The following TLE5 variants were observed in gnomAD, a reference collection of about 807,000 sequenced individuals.
TLE5 encodes the protein TLE family member 5, transcriptional modulator.
In TLE5, 7 loss-of-function variants were observed where a neutral mutation model predicts 25.8. That is an observed-to-expected ratio of 0.27 (90% CI 0.15 to 0.51). The LOEUF is 0.51. Among genes scored for constraint, TLE5 ranks in the 20% least tolerant of loss-of-function variants. The pLI is 0.97. For missense variants in TLE5, 149 were observed against 250.7 expected, an observed-to-expected ratio of 0.59 and a Z score of 2.74; for synonymous variants, 132 against 110.5, an observed-to-expected ratio of 1.20 and a Z score of -1.22.
At chr19:3,055,817 C>T in intron 4 of TLE5, 91 bp from the exon 5 acceptor site, 1 of 1,386,620 alleles carries the variant, frequency 7.2e-7, no homozygotes, top group Non-Finnish European at 9.8e-7. Flanking sequence ...CGGCCCAGCC[C>T]TGCCACTTGC....
Position 3,062,324 on chromosome 19 carries a change from C to T in TLE5, c.-124G>A. ...CGGCAGCTCCCGGGGCCGCCGCCGC[C>T]TCCCGCGCCCGGCCTCGCCCGCTTC... is the stretch of plus-strand genomic sequence containing the variant. On this transcript the variant is annotated 5_prime_UTR_variant, in exon 1 of 7. Coordinates refer to ENST00000327141, the MANE Select transcript of TLE5 (RefSeq NM_001130.6). 20 of 979,092 alleles carry T rather than the reference C, an allele frequency of 2.0e-5. No individual in the cohort carries two copies. Among genetic ancestry groups the T allele is most frequent in the Non-Finnish European group, 2.4e-5 (20 of 827,326 alleles). The allele number at this position is 979,092 out of a possible 1,614,324, so 60.7% of individuals were successfully genotyped here. A position where few individuals can be genotyped will look rare whatever the true frequency, so the allele number is the denominator to read the frequency against.
Position 3,062,427 on chromosome 19 carries a change from C to T in TLE5, c.-227G>A. 1.3e-6 allele frequency: 1 copy of T among 791,842 alleles called. No homozygotes were observed. The highest frequency in any genetic ancestry group is 1.5e-6 in the Non-Finnish European group (1 of 656,096). The allele number at this position is 791,842 out of a possible 1,614,324, so 49.1% of individuals were successfully genotyped here. On this transcript the variant is annotated 5_prime_UTR_variant, in exon 1 of 7. Coordinates refer to ENST00000327141, the MANE Select transcript of TLE5 (RefSeq NM_001130.6). ...TGCGCGCCCGGCGCCCCTCCCCGCC[C>T]CTCCCCGCCGCCCGCCTCCCCGCTC...
chr19:3,058,904 G>A (rs1326336760), intron 2 of TLE5, among the ~76,000 whole-genome samples: 3 of 152,150 alleles, frequency 2.0e-5, no homozygotes, highest in Admixed American at 6.5e-5. Flanking sequence ...TCAGCCCTTC[G>A]TCTTCCCTGC....
At chr19:3,060,183 C>A (rs2090252628) in intron 2 of TLE5, among the ~76,000 whole-genome samples, 1 of 152,024 alleles carries the variant, frequency 6.6e-6, no homozygotes, top group Non-Finnish European at 1.5e-5. Flanking sequence ...CGTGCCCCTC[C>A]AGAGCAGGGC....
intron 2 of TLE5, among the ~76,000 whole-genome samples, chr19:3,058,703 A>G (rs1297634072): frequency 3.3e-5 from 5 of 152,166 alleles, no homozygotes; most frequent in African/African-American, 4.8e-5. Flanking sequence ...CAAAGCCCCC[A>G]TGAGGGCGTC....
intron 6 of TLE5, 22 bp downstream of exon 6, chr19:3,054,098 C>A: frequency 6.7e-7 from 1 of 1,493,966 alleles, no homozygotes; most frequent in East Asian, 2.4e-5. Flanking sequence ...CCCCGCCCAC[C>A]CGCCCAGGTC....
In TLE5 at chr19:3,053,576, T is replaced by G; in HGVS notation, c.*243A>C. 1.7e-6 allele frequency: 1 copy of G among 577,784 alleles called. No homozygotes were observed. Among genetic ancestry groups the G allele is most frequent in the Non-Finnish European group, 3.1e-6 (1 of 324,912 alleles). 35.8% of individuals were successfully genotyped at this position (577,784 alleles called of 1,614,324 possible). ...CCTCCAGGCCTTAGCTTGCCTCACA[T>G]GTCAGGGCAGGTATCCACCTAACCA... On this transcript the variant is annotated 3_prime_UTR_variant, in exon 7 of 7. Transcript: ENST00000327141.
At chr19:3,061,660 G>T (rs968966311) in intron 1 of TLE5, among the ~76,000 whole-genome samples, 1 of 151,660 alleles carries the variant, frequency 6.6e-6, no homozygotes, top group African/African-American at 2.4e-5. Context: ...AGTCCTCTTG[G>T]GGGAGGGGTC....
intron 4 of TLE5, 37 bp downstream of exon 4, chr19:3,056,275 G>GGGGA: frequency 1.1e-6 from 1 of 916,152 alleles, no homozygotes; most frequent in Non-Finnish European, 1.5e-6. Flanking sequence ...GAGGGGGAAG[G>GGGGA]AGGAGGAGGA....
At position 3,056,301 on chromosome 19, in the gene TLE5, G is replaced by T. The variant is rs1256083479; in HGVS notation, c.234+11C>A. The T allele has an allele frequency of 6.6e-7, 1 of 1,517,634 alleles. No homozygotes were observed. The highest frequency in any genetic ancestry group is 8.8e-7 in the Non-Finnish European group (1 of 1,130,272). 94.0% of individuals were successfully genotyped at this position (1,517,634 alleles called of 1,614,324 possible). ...AGGAGGAGGAGGAGGAGGAGGAGGA[G>T]ATGGGCGTACCTGTTTGTGCATCTC... is the stretch of plus-strand genomic sequence containing the variant. On this transcript the variant is annotated intron_variant, in intron 4 of 6. Transcript: ENST00000327141.
intron 2 of TLE5, chr19:3,060,854 T>G (rs555605130): frequency 5.1e-6 from 1 of 197,244 alleles, no homozygotes; most frequent in South Asian, 1.0e-4. Flanking sequence ...GTCCGTGCCG[T>G]AACTCCAATT....
intron 5 of TLE5, chr19:3,054,772 T>C (rs924694064): frequency 6.4e-6 from 1 of 155,844 alleles, no homozygotes; most frequent in Non-Finnish European, 1.4e-5. Flanking sequence ...TGCTAGAATC[T>C]ACCAATCTCC....
rs1249554867 is a variant in TLE5 at position 3,062,355 on chromosome 19, C to T, written c.-155G>A. 34 of 975,902 alleles carry T rather than the reference C, an allele frequency of 3.5e-5. No individual in the cohort carries two copies. Among genetic ancestry groups the T allele is most frequent in the Admixed American group, 6.4e-5 (1 of 15,622 alleles). The allele number at this position is 975,902 out of a possible 1,614,324, so 60.5% of individuals were successfully genotyped here. On this transcript the variant is annotated 5_prime_UTR_variant, in exon 1 of 7. Coordinates refer to ENST00000327141, the MANE Select transcript of TLE5 (RefSeq NM_001130.6). ...CGCCCGGCCTCGCCCGCTTCCTGCG[C>T]CCCCTCCCCGCGCGCCCGGCCCCGG...
At position 3,056,305 on chromosome 19, in the gene TLE5, G is replaced by A. The variant is rs1184869258; in HGVS notation, c.234+7C>T. The A allele has an allele frequency of 3.3e-5, 51 of 1,527,194 alleles. No individual in the cohort carries two copies. The highest frequency in any genetic ancestry group is 4.5e-5 in the Non-Finnish European group (51 of 1,135,496). The allele number at this position is 1,527,194 out of a possible 1,614,324, so 94.6% of individuals were successfully genotyped here. A position where few individuals can be genotyped will look rare whatever the true frequency, so the allele number is the denominator to read the frequency against. On this transcript the variant is annotated splice_region_variant and intron_variant, in intron 4 of 6. Transcript: ENST00000327141. ...GGAGGAGGAGGAGGAGGAGGAGATG[G>A]GCGTACCTGTTTGTGCATCTCGATG... is the stretch of plus-strand genomic sequence containing the variant.
At chr19:3,056,133 C>CG (rs993586630) in intron 4 of TLE5, 179 bp downstream of exon 4, 22 of 359,982 alleles carry the variant, frequency 6.1e-5, no homozygotes, top group Non-Finnish European at 8.1e-5. Context: ...AGAGGCGGGG[C>CG]GGGGGGGAGG....
At chr19:3,054,592 A>ATC (rs1233948111) in intron 5 of TLE5, 1 of 215,380 alleles carries the variant, frequency 4.6e-6, no homozygotes, top group Non-Finnish European at 9.4e-6. Flanking sequence ...GGACGTCCTG[A>ATC]TCCTAGGAGC....
chr19:3,056,367 G>GC lies in TLE5; in HGVS notation c.190-12_190-11insG. On this transcript the variant is annotated splice_polypyrimidine_tract_variant and intron_variant, in intron 3 of 6. Transcript: ENST00000327141. ...GGACATCTCGTAGTACTGTATGGGG[G>GC]AGAGAGAGGGGGAGCGGGAGATGGG... 1 of 1,116,890 alleles carries GC rather than the reference G, an allele frequency of 9.0e-7. No homozygotes were observed. Among genetic ancestry groups the GC allele is most frequent in the Non-Finnish European group, 1.2e-6 (1 of 837,944 alleles). The allele number at this position is 1,116,890 out of a possible 1,614,324, so 69.2% of individuals were successfully genotyped here.
chr19:3,057,985 G>A (rs1014569462), intron 2 of TLE5, among the ~76,000 whole-genome samples: 2 of 152,058 alleles, frequency 1.3e-5, no homozygotes, highest in African/African-American at 4.8e-5. Flanking sequence ...CTCCCAAAGT[G>A]CTTGGGGTTA....
At chr19:3,054,087 C>CGGGGGGGGCCG in intron 6 of TLE5, 33 bp downstream of exon 6, 1 of 1,476,458 alleles carries the variant, frequency 6.8e-7, no homozygotes, top group Non-Finnish European at 9.2e-7. Flanking sequence ...GCCCACCTGT[C>CGGGGGGGGCCG]CCCCGCCCAC....
Sources: allele counts gnomAD v4.1 joint callset (sites outside exome capture counted in the v4.1 genomes callset), GRCh38; gene constraint gnomAD v4.1.1; transcripts MANE v1.5; gene names NCBI Gene and HGNC (gene_info 2026-07-23, HGNC 2026-07-21).